PLVAP: variants seen among roughly 807,000 people sequenced by gnomAD.
The protein encoded by PLVAP is plasmalemma vesicle-associated protein.
Under a neutral mutation model 43.1 loss-of-function variants are expected in PLVAP, and 34 were observed. That is an observed-to-expected ratio of 0.79 (90% CI 0.60 to 1.05). The LOEUF is 1.05. PLVAP is among the 50% of genes least tolerant of loss of function. The pLI is 0.00. For synonymous variants in PLVAP, 241 were observed against 237.3 expected (o/e 1.02, Z -0.14); for missense variants, 574 against 593.4 (o/e 0.97, Z 0.34).
chr19:17,360,829 G>A lies in PLVAP; in HGVS notation c.1183C>T (p.Gln395Ter). ...GGCCTTGACACTGGCATCATCGGCT[G>A]CGACTGTGAAAGAAAGATGGAGGGA... Reference protein sequence around the residue: ...ALDTCIKTKSQPMMPVSRPMG... With the variant: ...ALDTCIKTKS Residue 395 changes from glutamine (Q) to a stop codon, truncating the protein, a stop_gained, in exon 4 of 6, where the codon CAG (glutamine) becomes TAG (stop). Coordinates refer to ENST00000252590, the MANE Select transcript of PLVAP (RefSeq NM_031310.3). LOFTEE classifies it high-confidence loss of function. 1.2e-6 allele frequency: 2 copies of A among 1,613,662 alleles called. No individual in the cohort carries two copies. Among genetic ancestry groups the A allele is most frequent in the Non-Finnish European group, 1.7e-6 (2 of 1,179,552 alleles).
rs1371634093 is a variant in PLVAP at position 17,376,942 on chromosome 19, A to C, written c.347T>G (p.Phe116Cys). 6.2e-7 allele frequency: 1 copy of C among 1,613,734 alleles called. No homozygotes were observed. The highest frequency in any genetic ancestry group is 8.5e-7 in the Non-Finnish European group (1 of 1,179,956). ...TACCCGGTCACCCTGGCACTGGCGG[A>C]AGCTGGCATTGATGCGGTCCAGGTC... ...RRDLDRINAS[F>C]RQCQGDRVIY... Residue 116 changes from phenylalanine to cysteine, a missense_variant, in exon 1 of 6, where the codon TTC (phenylalanine) becomes TGC (cysteine). By Grantham distance (205) the Phe-to-Cys change is radical. Coordinates refer to ENST00000252590, the MANE Select transcript of PLVAP (RefSeq NM_031310.3).
chr19:17,366,605 C>T (rs911271788), intron 1 of PLVAP, among the ~76,000 whole-genome samples: 18 of 151,474 alleles, frequency 1.2e-4, no homozygotes, highest in South Asian at 6.2e-4. Flanking sequence ...ATATTACATC[C>T]ACATTTATGG....
intron 1 of PLVAP, among the ~76,000 whole-genome samples, chr19:17,371,220 G>A (rs572271402): frequency 9.3e-5 from 14 of 151,048 alleles, no homozygotes; most frequent in Admixed American, 3.3e-4. Flanking sequence ...AGAGTGCAGC[G>A]GTGTGATCTC....
In PLVAP at chr19:17,360,582, C is replaced by T. The variant is rs566879414; in HGVS notation, c.1268G>A (p.Arg423Lys). ...IDPASLEEFKRKILESQRPPA... is the reference protein window; with the variant it reads ...IDPASLEEFKKKILESQRPPA... ...GGGCCTCTGGGACTCCAGGATCTTC[C>T]TCTTGAACTCCTCCAGGCTAGCTGG... Residue 423 changes from arginine (R) to lysine (K), a missense_variant, in exon 5 of 6, where the codon AGG (arginine) becomes AAG (lysine). Arg to Lys is a conservative substitution (Grantham distance 26). Transcript: ENST00000252590. 1 of 1,613,630 alleles carries T rather than the reference C, an allele frequency of 6.2e-7. No individual in the cohort carries two copies.
At chr19:17,357,275 C>A (rs2074510317) in intron 5 of PLVAP, among the ~76,000 whole-genome samples, 1 of 151,582 alleles carries the variant, frequency 6.6e-6, no homozygotes, top group Admixed American at 6.6e-5. Context: ...GCCTAGGAGA[C>A]AGAGTGAGAG....
At chr19:17,368,702 C>G (rs1265643804) in intron 1 of PLVAP, among the ~76,000 whole-genome samples, 1 of 151,882 alleles carries the variant, frequency 6.6e-6, no homozygotes, top group Non-Finnish European at 1.5e-5. Flanking sequence ...AACAGGCCGG[C>G]TATGGTGGCT....
chr19:17,372,130 ATTTT>A (rs2074574641), intron 1 of PLVAP, among the ~76,000 whole-genome samples: 1 of 150,734 alleles, frequency 6.6e-6, no homozygotes, highest in African/African-American at 2.4e-5. Flanking sequence ...TTCTTTTTTA[ATTTT>A]TAGTTTATTT....
intron 1 of PLVAP, among the ~76,000 whole-genome samples, chr19:17,369,920 T>C (rs1206705641): frequency 6.7e-6 from 1 of 148,980 alleles, no homozygotes; most frequent in Non-Finnish European, 1.5e-5. Flanking sequence ...GAAGAATTGC[T>C]TGAACCCGGG....
At chr19:17,366,038 G>A (rs1599576019) in intron 2 of PLVAP, 40 bp from the exon 3 acceptor site, 4 of 1,611,332 alleles carry the variant, frequency 2.5e-6, no homozygotes, top group East Asian at 2.2e-5. Flanking sequence ...AAGATTGGGG[G>A]CTGCCGAGAG....
intron 3 of PLVAP, among the ~76,000 whole-genome samples, chr19:17,364,046 T>C (rs1442627687): frequency 2.6e-5 from 4 of 151,534 alleles, no homozygotes; most frequent in Admixed American, 6.6e-5. Context: ...GCGCCCGGCC[T>C]AATTTTTGTA....
chr19:17,364,067 A>G (rs921566533), intron 3 of PLVAP, among the ~76,000 whole-genome samples: 1 of 148,472 alleles, frequency 6.7e-6, no homozygotes, highest in African/African-American at 2.5e-5. Flanking sequence ...TTTTTTTTGT[A>G]GGGATGGGGT....
rs542089947 is a variant in PLVAP, at chr19:17,366,344, G to A, written c.370-149C>T. On this transcript the variant is annotated intron_variant, in intron 1 of 5. Coordinates refer to ENST00000252590, the MANE Select transcript of PLVAP (RefSeq NM_031310.3). ...TATGAGGGAATGTTAGAAGCCAGGT[G>A]TGGCAGCTCACACCTGTCATCCCAA... 5 of 691,802 alleles carry A rather than the reference G, an allele frequency of 7.2e-6. No homozygotes were observed. In the South Asian group the frequency reaches 7.4e-5, roughly 10 times the overall value. 42.9% of individuals were successfully genotyped at this position (691,802 alleles called of 1,614,324 possible).
At chr19:17,364,316 C>T (rs1291752192) in intron 3 of PLVAP, among the ~76,000 whole-genome samples, 1 of 151,912 alleles carries the variant, frequency 6.6e-6, no homozygotes, top group African/African-American at 2.4e-5. Flanking sequence ...AAACTCTGAG[C>T]TCAGGCAATC....
chr19:17,357,854 A>G (rs761331015), intron 5 of PLVAP, among the ~76,000 whole-genome samples: 2 of 152,266 alleles, frequency 1.3e-5, no homozygotes, highest in African/African-American at 4.8e-5. Context: ...TCCAGGCTTA[A>G]GTACACATTG....
At chr19:17,354,939 T>C (rs1193104661) in intron 5 of PLVAP, among the ~76,000 whole-genome samples, 1 of 150,974 alleles carries the variant, frequency 6.6e-6, no homozygotes, top group Non-Finnish European at 1.5e-5. Flanking sequence ...AAATAAAATC[T>C]TGGCCAGGTG....
In PLVAP at chr19:17,360,706, G is replaced by A. The variant is rs2074524502; in HGVS notation, c.1240+66C>T. 4.4e-6 allele frequency: 7 copies of A among 1,580,004 alleles called. No homozygotes were observed. In the East Asian group the frequency reaches 1.3e-4, roughly 30 times the overall value. On this transcript the variant is annotated intron_variant, in intron 4 of 5. Coordinates refer to ENST00000252590, the MANE Select transcript of PLVAP (RefSeq NM_031310.3). Reference sequence around the variant, plus strand: ...GCAGCCCAGGGGAGTGGGAAAGTGGGGCTGGGGTGGGGTTCGAGGTGGAAA... The same window carrying A: ...GCAGCCCAGGGGAGTGGGAAAGTGGAGCTGGGGTGGGGTTCGAGGTGGAAA...
At chr19:17,371,568 C>T (rs889807713) in intron 1 of PLVAP, among the ~76,000 whole-genome samples, 3 of 152,086 alleles carry the variant, frequency 2.0e-5, no homozygotes, top group Admixed American at 6.6e-5. Context: ...CAGCTCACTG[C>T]AGCCTCAGCC....
intron 5 of PLVAP, among the ~76,000 whole-genome samples, chr19:17,352,703 C>T (rs1185389565): frequency 2.0e-5 from 3 of 152,118 alleles, no homozygotes; most frequent in South Asian, 2.1e-4. Context: ...TTGACTCTCC[C>T]CAGTGCCTCC....
intron 5 of PLVAP, among the ~76,000 whole-genome samples, chr19:17,360,250 G>A (rs998953336): frequency 5.3e-5 from 8 of 152,166 alleles, no homozygotes; most frequent in East Asian, 1.9e-4. Context: ...TTAGAACTGC[G>A]TGGGGCTCCC....
Sources: gnomAD v4.1 joint callset for allele counts (sites outside exome capture counted in the v4.1 genomes callset) on GRCh38, gnomAD v4.1.1 for gene constraint, MANE v1.5 for transcripts, NCBI Gene and HGNC (gene_info 2026-07-23, HGNC 2026-07-21) for gene names.